Variants in ENOX1 observed in about 807,000 individuals in gnomAD.
The protein encoded by ENOX1 is candidate growth-related and time keeping constitutive hydroquinone (NADH) oxidase.
A neutral mutation model predicts 82.5 loss-of-function variants in ENOX1; 42 were observed. The ratio of observed to expected loss-of-function variants is 0.51; its 90% confidence interval spans 0.40 to 0.66. The LOEUF (loss-of-function observed/expected upper bound fraction) is 0.66. Ranked by LOEUF, ENOX1 falls within the 30% of genes least tolerant of loss-of-function variation. The pLI, the probability that ENOX1 is intolerant of heterozygous loss-of-function variation, is 0.00. For missense variants in ENOX1, 608 were observed against 811.6 expected, an observed-to-expected ratio of 0.75 and a Z score of 3.05; for synonymous variants, 271 against 282.2, an observed-to-expected ratio of 0.96 and a Z score of 0.40.
chr13:43,762,551 T>C lies in ENOX1; in HGVS notation c.-285+24101A>G, dbSNP rs533068527. ...GCATTGCACTAATCAAAACACAATA[T>C]AGAAAGAAATGGAGAAGCACAACCT... On this transcript the variant is annotated intron_variant, in intron 1 of 16. Transcript: ENST00000690772. 8.7e-4 allele frequency among the ~76,000 whole-genome samples: 132 copies of C among 152,258 alleles called. 1 individual carries two copies. Among genetic ancestry groups the C allele is most frequent in the South Asian group, 7.5e-3 (36 of 4,824 alleles).
intron 2 of ENOX1, among the ~76,000 whole-genome samples, chr13:43,647,774 T>G (rs1364240899): frequency 6.6e-6 from 1 of 152,222 alleles, no homozygotes; most frequent in East Asian, 1.9e-4. Context: ...ATTTTGCAGA[T>G]GTGATTATGA....
At chr13:43,249,733 A>C (rs1436751448) in intron 14 of ENOX1, among the ~76,000 whole-genome samples, 1 of 152,210 alleles carries the variant, frequency 6.6e-6, no homozygotes, top group Non-Finnish European at 1.5e-5. Context: ...ATGGGACACA[A>C]TCTGATAAAT....
In ENOX1 at chr13:43,733,416, C is replaced by A. The variant is rs1439833691; in HGVS notation, c.-285+53236G>T. ...CACACAAAGAACTGAAAGATAATAA[C>A]CTCTATGCACAAATGAATCTTGGGC... On this transcript the variant is annotated intron_variant, in intron 1 of 16. Transcript: ENST00000690772. Among the ~76,000 whole-genome samples, 4 of 152,100 alleles carry A rather than the reference C, an allele frequency of 2.6e-5. No individual in the cohort carries two copies. The East Asian group carries it at 7.7e-4, about 29-fold the overall frequency.
At chr13:43,515,244 G>C (rs1054118691) in intron 2 of ENOX1, among the ~76,000 whole-genome samples, 1 of 152,086 alleles carries the variant, frequency 6.6e-6, no homozygotes, top group Admixed American at 6.6e-5. Flanking sequence ...GCATAAAATC[G>C]CTGTGGGTGA....
chr13:43,382,397 T>C (rs1413552903), intron 5 of ENOX1, among the ~76,000 whole-genome samples: 1 of 152,114 alleles, frequency 6.6e-6, no homozygotes, highest in Non-Finnish European at 1.5e-5. Flanking sequence ...ATACTTAAAA[T>C]GGTATTTCTT....
At chr13:43,777,904 C>G (rs890040266) in intron 1 of ENOX1, among the ~76,000 whole-genome samples, 2 of 152,164 alleles carry the variant, frequency 1.3e-5, no homozygotes, top group Admixed American at 1.3e-4. Context: ...ACATAATATC[C>G]ACAATTAACA....
intron 12 of ENOX1, among the ~76,000 whole-genome samples, chr13:43,285,308 T>C (rs1456745531): frequency 6.6e-6 from 1 of 152,198 alleles, no homozygotes; most frequent in Non-Finnish European, 1.5e-5. Flanking sequence ...TTTATATATA[T>C]ATGGAGAAAA....
chr13:43,253,374 G>A (rs907519994), intron 14 of ENOX1, among the ~76,000 whole-genome samples: 9 of 152,326 alleles, frequency 5.9e-5, no homozygotes, highest in South Asian at 4.1e-4. Flanking sequence ...ATCCCAGTGA[G>A]CTATGTGTCA....
chr13:43,631,547 A>G (rs9562501), intron 2 of ENOX1, among the ~76,000 whole-genome samples: 78,249 of 151,976 alleles, frequency 0.51, 20,421 homozygotes, highest in Middle Eastern at 0.64. Context: ...GTACTCTGCC[A>G]GTTTGAGTCA....
chr13:43,370,784 T>C (rs541950676), intron 5 of ENOX1, among the ~76,000 whole-genome samples: 3 of 152,242 alleles, frequency 2.0e-5, no homozygotes, highest in African/African-American at 7.2e-5. Flanking sequence ...TTAGAAAGGA[T>C]TTCTATATCA....
chr13:43,461,153 T>A (rs1182014927), intron 3 of ENOX1, among the ~76,000 whole-genome samples: 1 of 152,224 alleles, frequency 6.6e-6, no homozygotes, highest in African/African-American at 2.4e-5. Context: ...ATGTTTGAAG[T>A]TCCCCAGCCA....
intron 1 of ENOX1, among the ~76,000 whole-genome samples, chr13:43,779,280 G>A (rs1952105649): frequency 1.3e-5 from 2 of 151,966 alleles, no homozygotes; most frequent in Non-Finnish European, 1.5e-5. Flanking sequence ...TATTTGGGGA[G>A]GGGATCCTAG....
At chr13:43,275,664 T>A (rs2044977095) in intron 12 of ENOX1, among the ~76,000 whole-genome samples, 1 of 152,224 alleles carries the variant, frequency 6.6e-6, no homozygotes, top group African/African-American at 2.4e-5. Context: ...TTTGTTTAGT[T>A]CTAAAACAAT....
At chr13:43,685,206 C>T (rs557545679) in intron 1 of ENOX1, among the ~76,000 whole-genome samples, 25 of 152,276 alleles carry the variant, frequency 1.6e-4, no homozygotes, top group Non-Finnish European at 2.6e-4. Context: ...TCACTATATC[C>T]GGATCTAGTT....
chr13:43,555,548 T>C (rs116641910), intron 2 of ENOX1, among the ~76,000 whole-genome samples: 5,202 of 152,212 alleles, frequency 0.034, 257 homozygotes, highest in African/African-American at 0.11. Context: ...TGTAAAACAT[T>C]ATGTGGCAAG....
intron 1 of ENOX1, among the ~76,000 whole-genome samples, chr13:43,754,019 T>TATATACGTATATAAATACAC (rs1566880656): frequency 1.6e-4 from 18 of 112,508 alleles, no homozygotes; most frequent in South Asian, 9.6e-4. Flanking sequence ...TGTATACACA[T>TATATACGTATATAAATACAC]ATATATACAT....
At chr13:43,474,510 T>C (rs1380772710) in intron 3 of ENOX1, among the ~76,000 whole-genome samples, 2 of 152,198 alleles carry the variant, frequency 1.3e-5, no homozygotes, top group Non-Finnish European at 2.9e-5. Context: ...AATTTTGTCT[T>C]CTCAACACTT....
intron 2 of ENOX1, among the ~76,000 whole-genome samples, chr13:43,618,817 T>C (rs983107175): frequency 6.6e-6 from 1 of 152,154 alleles, no homozygotes; most frequent in Non-Finnish European, 1.5e-5. Context: ...ATTTGTAGAT[T>C]GCTTTTGGCA....
chr13:43,663,049 G>A (rs1840686011), intron 2 of ENOX1, among the ~76,000 whole-genome samples: 1 of 152,170 alleles, frequency 6.6e-6, no homozygotes, highest in South Asian at 2.1e-4. Context: ...GAAAAGCAAA[G>A]CAGGCAAATC....
Sources: gnomAD v4.1 joint callset for allele counts (sites outside exome capture counted in the v4.1 genomes callset) on GRCh38, gnomAD v4.1.1 for gene constraint, MANE v1.5 for transcripts, NCBI Gene and HGNC (gene_info 2026-07-23, HGNC 2026-07-21) for gene names.